KCNH1: variants seen among roughly 807,000 people sequenced by gnomAD.
The protein encoded by KCNH1 is voltage-gated delayed rectifier potassium channel KCNH1.
KCNH1 carries 27 observed loss-of-function variants against 69.2 expected under a neutral mutation model. That is an observed-to-expected ratio of 0.39 (90% CI 0.29 to 0.54). The LOEUF is 0.54. KCNH1 is among the 20% of genes least tolerant of loss of function. The probability of loss-of-function intolerance (pLI) is 0.68; values close to 1 mark genes in which losing one functional copy is unlikely to be tolerated. For missense variants in KCNH1, 798 were observed against 1,261.6 expected, an observed-to-expected ratio of 0.63 and a Z score of 5.57; for synonymous variants, 456 against 487.7, an observed-to-expected ratio of 0.93 and a Z score of 0.86.
At chr1:210,810,963 G>C (rs1684690415) in intron 7 of KCNH1, among the ~76,000 whole-genome samples, 1 of 152,186 alleles carries the variant, frequency 6.6e-6, no homozygotes, top group Non-Finnish European at 1.5e-5. Flanking sequence ...GCTAGAGTTT[G>C]TGTTGAAGAA....
In KCNH1 at chr1:211,115,701, C is replaced by CTA. The variant is rs201384583; in HGVS notation, c.80-8326_80-8325dup. On this transcript the variant is annotated intron_variant, in intron 1 of 10. Transcript: ENST00000271751. Reference sequence around the variant, plus strand: ...GTAAGTTAATACTTAATAAACTCCCCTATATATATATATATGTATATATAT... The same window carrying CTA: ...GTAAGTTAATACTTAATAAACTCCCCTATATATATATATATATGTATATATAT... Among the ~76,000 whole-genome samples, 653 of 70,698 alleles carry CTA rather than the reference C, an allele frequency of 9.2e-3. 27 individuals carry two copies. Among genetic ancestry groups the CTA allele is most frequent in the African/African-American group, 0.035 (533 of 15,382 alleles). The allele number at this position is 70,698 out of a possible 152,430, so 46.4% of individuals were successfully genotyped here.
rs992205880 is a variant in KCNH1, at chr1:210,678,855, T to A, written c.*4426A>T. 6.6e-6 allele frequency: 1 copy of A among 152,160 alleles called. No homozygotes were observed. The highest frequency in any genetic ancestry group is 1.5e-5 in the Non-Finnish European group (1 of 68,044). The allele number at this position is 152,160 out of a possible 1,614,324, so 9.4% of individuals were successfully genotyped here. On this transcript the variant is annotated 3_prime_UTR_variant, in exon 11 of 11. Transcript: ENST00000271751. ...ATGGATCCGTCGGATGACTCAGAAG[T>A]CACAGATAAAGGGACAGTGGCTGTA...
intron 10 of KCNH1, among the ~76,000 whole-genome samples, chr1:210,738,497 C>T (rs1682934484): frequency 6.6e-6 from 1 of 151,286 alleles, no homozygotes; most frequent in Non-Finnish European, 1.5e-5. Flanking sequence ...ATGGATCCAT[C>T]CCAGCAGTAA....
intron 6 of KCNH1, among the ~76,000 whole-genome samples, chr1:211,010,421 A>G (rs1689372459): frequency 2.0e-5 from 3 of 152,150 alleles, no homozygotes; most frequent in Non-Finnish European, 4.4e-5. Context: ...TTGTGCCCAC[A>G]TGATAAACTG....
chr1:210,707,018 T>A (rs1451254978), intron 10 of KCNH1, among the ~76,000 whole-genome samples: 1 of 152,152 alleles, frequency 6.6e-6, no homozygotes, highest in Admixed American at 6.5e-5. Flanking sequence ...GAATTCACAG[T>A]CCAGGAAGTA....
chr1:211,013,902 G>A (rs1689445123), intron 6 of KCNH1, among the ~76,000 whole-genome samples: 1 of 152,182 alleles, frequency 6.6e-6, no homozygotes, highest in South Asian at 2.1e-4. Flanking sequence ...TGAGTGTTTT[G>A]GAAAGTTAAA....
chr1:210,911,875 CT>C (rs569565704), intron 7 of KCNH1, among the ~76,000 whole-genome samples: 16 of 152,292 alleles, frequency 1.1e-4, no homozygotes, highest in African/African-American at 3.4e-4. Flanking sequence ...TCTTCCACCC[CT>C]CTCCTGCAAT....
rs565395337 is a variant in KCNH1 at position 210,860,319 on chromosome 1, G to C, written c.1463-56153C>G. On this transcript the variant is annotated intron_variant, in intron 7 of 10. Transcript: ENST00000271751. ...ATGTCAGGCTATGCGCTAAAGAGAT[G>C]TCCTCATAGAATTCTGAGACATGCT... 34 of 1,352,798 alleles carry C rather than the reference G, an allele frequency of 2.5e-5. No individual in the cohort carries two copies. The African/African-American group carries it at 4.3e-4, about 17-fold the overall frequency. The allele number at this position is 1,352,798 out of a possible 1,614,324, so 83.8% of individuals were successfully genotyped here.
At chr1:210,884,902 T>G (rs1185942970) in intron 7 of KCNH1, among the ~76,000 whole-genome samples, 1 of 152,222 alleles carries the variant, frequency 6.6e-6, no homozygotes, top group African/African-American at 2.4e-5. Context: ...GTCAATGGCC[T>G]ACTGTGAGTC....
chr1:210,711,301 T>G (rs190213292), intron 10 of KCNH1, among the ~76,000 whole-genome samples: 50 of 152,296 alleles, frequency 3.3e-4, no homozygotes, highest in African/African-American at 1.2e-3. Context: ...TGTGTGTAAA[T>G]CTTAAAGTCC....
At chr1:210,733,456 C>T (rs1261461790) in intron 10 of KCNH1, among the ~76,000 whole-genome samples, 1 of 152,142 alleles carries the variant, frequency 6.6e-6, no homozygotes, top group Non-Finnish European at 1.5e-5. Flanking sequence ...TCCAAACCAG[C>T]CTGTTACAAT....
chr1:211,022,910 G>A (rs1286540719), intron 5 of KCNH1, among the ~76,000 whole-genome samples: 9 of 151,866 alleles, frequency 5.9e-5, no homozygotes, highest in Admixed American at 3.3e-4. Context: ...TCAGGAGTTT[G>A]AGACCAGCCT....
Position 210,797,644 on chromosome 1 carries a change from C to T in KCNH1, c.1779G>A (p.Leu593=), listed in dbSNP as rs1428562703. 6.2e-7 allele frequency: 1 copy of T among 1,614,120 alleles called. No individual in the cohort carries two copies. The highest frequency in any genetic ancestry group is 1.3e-5 in the African/African-American group (1 of 74,938). ...AGTGCACCGTCTGGAACTCCATGGC[C>T]AGTGCCCGGAGGCAGCCATCACTGG... ...RLASDGCLRA[L]AMEFQTVHCA... The change falls in exon 9 of 11, where the codon CTG becomes CTA. Residue 593 remains leucine (L), a synonymous_variant. Coordinates refer to ENST00000271751, the MANE Select transcript of KCNH1 (RefSeq NM_172362.3).
At chr1:211,108,939 G>C (rs1426942486) in intron 1 of KCNH1, among the ~76,000 whole-genome samples, 1 of 152,136 alleles carries the variant, frequency 6.6e-6, no homozygotes, top group African/African-American at 2.4e-5. Context: ...CTGCACTCAA[G>C]GAACTTAGCA....
chr1:210,834,464 C>CCT (rs1366137000), intron 7 of KCNH1, among the ~76,000 whole-genome samples: 3 of 134,574 alleles, frequency 2.2e-5, no homozygotes, highest in African/African-American at 8.5e-5. Flanking sequence ...TATTCTCACT[C>CCT]ATAGGTGGGA....
intron 6 of KCNH1, among the ~76,000 whole-genome samples, chr1:210,956,256 C>T (rs61849015): frequency 0.067 from 10,267 of 152,194 alleles, 780 homozygotes; most frequent in East Asian, 0.39. Context: ...ATGAAGCCAA[C>T]TTGATCATGG....
At chr1:210,991,618 C>CACACAA (rs1688937852) in intron 6 of KCNH1, among the ~76,000 whole-genome samples, 1 of 151,558 alleles carries the variant, frequency 6.6e-6, no homozygotes, top group Non-Finnish European at 1.5e-5. Flanking sequence ...CACACACACA[C>CACACAA]ACACACACAC....
intron 7 of KCNH1, among the ~76,000 whole-genome samples, chr1:210,820,859 T>C (rs1357989194): frequency 6.6e-6 from 1 of 152,096 alleles, no homozygotes; most frequent in Non-Finnish European, 1.5e-5. Flanking sequence ...GGCCTCTAGA[T>C]GCTGAGAAAG....
At chr1:210,881,717 T>C (rs956678645) in intron 7 of KCNH1, among the ~76,000 whole-genome samples, 4 of 152,198 alleles carry the variant, frequency 2.6e-5, no homozygotes, top group African/African-American at 9.6e-5. Context: ...AAATGAGTTA[T>C]GAAGCCATGA....
Sources: gnomAD v4.1 joint callset for allele counts (sites outside exome capture counted in the v4.1 genomes callset) on GRCh38, gnomAD v4.1.1 for gene constraint, MANE v1.5 for transcripts, NCBI Gene and HGNC (gene_info 2026-07-23, HGNC 2026-07-21) for gene names.